NLE1: variants seen among roughly 807,000 people sequenced by gnomAD.
NLE1 encodes notchless protein homolog 1.
In NLE1, 37 loss-of-function variants were observed where a neutral mutation model predicts 62.8. The ratio of observed to expected loss-of-function variants is 0.59; its 90% confidence interval spans 0.45 to 0.78. The LOEUF is 0.78. Ranked by LOEUF, NLE1 falls within the 30% of genes least tolerant of loss-of-function variation. The pLI, the probability that NLE1 is intolerant of heterozygous loss-of-function variation, is 0.00. For missense variants in NLE1, 555 were observed against 637.9 expected, an observed-to-expected ratio of 0.87 and a Z score of 1.40; for synonymous variants, 243 against 253.0, an observed-to-expected ratio of 0.96 and a Z score of 0.37.
In NLE1 at chr17:35,130,060, G is replaced by A; in HGVS notation, c.*2377C>T. The A allele has an allele frequency of 7.1e-7, 1 of 1,412,304 alleles. No homozygotes were observed. The highest frequency in any genetic ancestry group is 1.6e-5 in the South Asian group (1 of 63,416). The allele number at this position is 1,412,304 out of a possible 1,614,324, so 87.5% of individuals were successfully genotyped here. A position where few individuals can be genotyped will look rare whatever the true frequency, so the allele number is the denominator to read the frequency against. On this transcript the variant is annotated 3_prime_UTR_variant, in exon 13 of 13. Coordinates refer to ENST00000442241, the MANE Select transcript of NLE1 (RefSeq NM_018096.5). ...GGGGTAGGGGTATGGGGGTATAGAG[G>A]CCTGAGTACAGACAGCCCTTTGGTT...
rs1349063435 is a variant in NLE1, at chr17:35,131,341, G to A, written c.*1096C>T. 1 of 152,418 alleles carries A rather than the reference G, an allele frequency of 6.6e-6. No homozygotes were observed. The highest frequency in any genetic ancestry group is 1.5e-5 in the Non-Finnish European group (1 of 68,178). The allele number at this position is 152,418 out of a possible 1,614,324, so 9.4% of individuals were successfully genotyped here. A position where few individuals can be genotyped will look rare whatever the true frequency, so the allele number is the denominator to read the frequency against. Reference sequence around the variant, plus strand: ...CAAGGGTGGAGGAGGGTAAGAAGGAGCAAGATGCTAGTTCTGAGCAGTTTA... The same window carrying A: ...CAAGGGTGGAGGAGGGTAAGAAGGAACAAGATGCTAGTTCTGAGCAGTTTA... On this transcript the variant is annotated 3_prime_UTR_variant, in exon 13 of 13. Coordinates refer to ENST00000442241, the MANE Select transcript of NLE1 (RefSeq NM_018096.5).
rs901074499 is a variant in NLE1 at position 35,129,170 on chromosome 17, C to T, written c.*3267G>A. The T allele has an allele frequency of 2.0e-5, 9 of 450,726 alleles. No homozygotes were observed. Among genetic ancestry groups the T allele is most frequent in the African/African-American group, 3.9e-5 (2 of 51,256 alleles). The allele number at this position is 450,726 out of a possible 1,614,324, so 27.9% of individuals were successfully genotyped here. ...CAGTTGGTGGCCCAAGGGTTGAGGA[C>T]CCCTGGCGTATAAGAAATATGGAAT... On this transcript the variant is annotated 3_prime_UTR_variant, in exon 13 of 13. Coordinates refer to ENST00000442241, the MANE Select transcript of NLE1 (RefSeq NM_018096.5).
intron 10 of NLE1, 117 bp downstream of exon 10, chr17:35,135,132 G>T: frequency 1.1e-6 from 1 of 926,932 alleles, no homozygotes; most frequent in Non-Finnish European, 1.8e-6. Flanking sequence ...TACCAAAGAG[G>T]AAACAGTGGC....
chr17:35,139,280 G>A lies in NLE1; in HGVS notation c.415C>T (p.Arg139Cys), dbSNP rs145029268. The A allele has an allele frequency of 9.3e-6, 15 of 1,613,806 alleles. No individual in the cohort carries two copies. Among genetic ancestry groups the A allele is most frequent in the South Asian group, 2.2e-5 (2 of 91,084 alleles). The change falls in exon 4 of 13, where the codon CGC (arginine) becomes TGC (cysteine). Residue 139 changes from arginine (R) to cysteine (C), a missense_variant. Transcript: ENST00000442241. ...LASGSGDTTV[R>C]FWDLSTETPH... ...GTCTCTGTGCTGAGATCCCAGAAGC[G>A]CACGGTGGTGTCTCCAGAGCCACTG... is the stretch of plus-strand genomic sequence containing the variant.
In NLE1 at chr17:35,135,329, C is replaced by A. The variant is rs2091901787; in HGVS notation, c.1134G>T (p.Val378=). The change falls in exon 10 of 13, where the codon GTG becomes GTT. Residue 378 remains valine, a synonymous_variant. Transcript: ENST00000442241. ...MTGHQALINQ[V]LFSPDSRIVA... Reference sequence around the variant, plus strand: ...CGATGCGGGAGTCAGGAGAGAAGAGCACCTGGTTGATGAGAGCTTGGTGTC... The same window carrying A: ...CGATGCGGGAGTCAGGAGAGAAGAGAACCTGGTTGATGAGAGCTTGGTGTC... 6.2e-7 allele frequency: 1 copy of A among 1,614,096 alleles called. No individual in the cohort carries two copies. Among genetic ancestry groups the A allele is most frequent in the African/African-American group, 1.3e-5 (1 of 74,926 alleles).
intron 2 of NLE1, among the ~76,000 whole-genome samples, chr17:35,141,716 C>T (rs1046662676): frequency 6.6e-6 from 1 of 152,214 alleles, no homozygotes; most frequent in African/African-American, 2.4e-5. Flanking sequence ...GTGTCCCAGA[C>T]TGGGGGACTG....
In NLE1 at chr17:35,137,527, C is replaced by A; in HGVS notation, c.635+16G>T. ...TCCCCTGGCTCATTTGTCCCAGCTCCGTCAGTGTCACTTACGCATGGAGGG... is the reference window on the plus strand; with the variant it reads ...TCCCCTGGCTCATTTGTCCCAGCTCAGTCAGTGTCACTTACGCATGGAGGG... On this transcript the variant is annotated intron_variant, in intron 6 of 12. Coordinates refer to ENST00000442241, the MANE Select transcript of NLE1 (RefSeq NM_018096.5). 1 of 1,597,152 alleles carries A rather than the reference C, an allele frequency of 6.3e-7. No individual in the cohort carries two copies. The highest frequency in any genetic ancestry group is 8.5e-7 in the Non-Finnish European group (1 of 1,172,930).
chr17:35,138,016 C>T (rs2091919911), intron 4 of NLE1, 126 bp from the exon 5 acceptor site: 21 of 670,776 alleles, frequency 3.1e-5, no homozygotes, highest in Middle Eastern at 3.3e-4. Context: ...ACAAAAGGAG[C>T]GATGAGGCTT....
intron 2 of NLE1, among the ~76,000 whole-genome samples, chr17:35,141,760 C>A (rs192776380): frequency 6.6e-6 from 1 of 152,296 alleles, no homozygotes; most frequent in African/African-American, 2.4e-5. Context: ...GCATCCGGTG[C>A]GTTCAAAGCT....
In NLE1 at chr17:35,129,767, A is replaced by G. The variant is rs1289058083; in HGVS notation, c.*2670T>C. 1 of 1,478,392 alleles carries G rather than the reference A, an allele frequency of 6.8e-7. No homozygotes were observed. Among genetic ancestry groups the G allele is most frequent in the Non-Finnish European group, 9.0e-7 (1 of 1,115,794 alleles). 91.6% of individuals were successfully genotyped at this position (1,478,392 alleles called of 1,614,324 possible). A position where few individuals can be genotyped will look rare whatever the true frequency, so the allele number is the denominator to read the frequency against. ...CTATGCCCACATGACTCATCTGGCTAGCTTTCCTTCTGCCTGGGTCAAGAA... is the reference window on the plus strand; with the variant it reads ...CTATGCCCACATGACTCATCTGGCTGGCTTTCCTTCTGCCTGGGTCAAGAA... On this transcript the variant is annotated 3_prime_UTR_variant, in exon 13 of 13. Coordinates refer to ENST00000442241, the MANE Select transcript of NLE1 (RefSeq NM_018096.5).
chr17:35,137,968 C>T (rs1597892900), intron 4 of NLE1, 78 bp from the exon 5 acceptor site: 1 of 993,630 alleles, frequency 1.0e-6, no homozygotes, highest in South Asian at 1.4e-5. Context: ...TGTCAGGTGC[C>T]AGGTACTCCT....
At position 35,129,380 on chromosome 17, in the gene NLE1, A is replaced by C; in HGVS notation, c.*3057T>G. 1 of 1,597,926 alleles carries C rather than the reference A, an allele frequency of 6.3e-7. No homozygotes were observed. Among genetic ancestry groups the C allele is most frequent in the Non-Finnish European group, 8.5e-7 (1 of 1,170,144 alleles). The stretch of plus-strand genomic sequence containing the variant: ...GGGAGGGTGAAGGGACAGGAAGGAC[A>C]GGACATATCTGAGGAAGCCTCGGGG... On this transcript the variant is annotated 3_prime_UTR_variant, in exon 13 of 13. Transcript: ENST00000442241.
Position 35,136,181 on chromosome 17 carries a change from G to T in NLE1, c.999C>A (p.Tyr333Ter). Reference sequence around the variant, plus strand: ...GGCACACACTCACCCGCACGAGGTTGTATCGGCTCAGAGCCCTCTCCTTCA... The same window carrying T: ...GGCACACACTCACCCGCACGAGGTTTTATCGGCTCAGAGCCCTCTCCTTCA... ...QELKERALSR[Y>*]NLVRGQGPER... The change falls in exon 9 of 13, where the codon TAC becomes TAA. Residue 333 changes from tyrosine (Y) to a stop codon, truncating the protein, a stop_gained. Transcript: ENST00000442241. LOFTEE classifies it high-confidence loss of function. 6.2e-7 allele frequency: 1 copy of T among 1,614,218 alleles called. No individual in the cohort carries two copies. The highest frequency in any genetic ancestry group is 8.5e-7 in the Non-Finnish European group (1 of 1,180,016).
chr17:35,138,444 TTCTCTC>T (rs886714658), intron 4 of NLE1, among the ~76,000 whole-genome samples: 2 of 151,946 alleles, frequency 1.3e-5, no homozygotes, highest in African/African-American at 4.8e-5. Flanking sequence ...CTCTTCTCTT[TTCTCTC>T]TCTCTCTTTC....
chr17:35,129,971 G>C lies in NLE1; in HGVS notation c.*2466C>G. On this transcript the variant is annotated 3_prime_UTR_variant, in exon 13 of 13. Transcript: ENST00000442241. ...TTGTGAGTAGGCTGGGAAGTCAAGG[G>C]CATTGAAAGAAATAGGGAAGACAAG... 1 of 1,372,354 alleles carries C rather than the reference G, an allele frequency of 7.3e-7. No homozygotes were observed. The highest frequency in any genetic ancestry group is 9.4e-7 in the Non-Finnish European group (1 of 1,063,518). 85.0% of individuals were successfully genotyped at this position (1,372,354 alleles called of 1,614,324 possible).
At chr17:35,139,606 C>T (rs992963614) in intron 3 of NLE1, among the ~76,000 whole-genome samples, 5 of 152,182 alleles carry the variant, frequency 3.3e-5, no homozygotes, top group African/African-American at 4.8e-5. Flanking sequence ...TTATACAAGT[C>T]ACACAGCTCA....
chr17:35,133,267 TG>T lies in NLE1; in HGVS notation c.1375-27del, dbSNP rs927216732. 4 of 1,613,904 alleles carry T rather than the reference TG, an allele frequency of 2.5e-6. No individual in the cohort carries two copies. The African/African-American group carries it at 5.3e-5, about 22-fold the overall frequency. On this transcript the variant is annotated intron_variant, in intron 11 of 12. Transcript: ENST00000442241. ...CTAAAGGGAGGCAGAGGAAGGCAGGTGGGGTGGTGAGAGGGAGACAGCCAGC... is the reference window on the plus strand; with the variant it reads ...CTAAAGGGAGGCAGAGGAAGGCAGGTGGGTGGTGAGAGGGAGACAGCCAGC...
At chr17:35,133,616 T>C in intron 10 of NLE1, 118 bp from the exon 11 acceptor site, 1 of 922,666 alleles carries the variant, frequency 1.1e-6, no homozygotes, top group Non-Finnish European at 1.6e-6. Context: ...TAGAAATACC[T>C]GGGAACCTTT....
Position 35,130,160 on chromosome 17 carries a change from G to A in NLE1, c.*2277C>T. On this transcript the variant is annotated 3_prime_UTR_variant, in exon 13 of 13. Coordinates refer to ENST00000442241, the MANE Select transcript of NLE1 (RefSeq NM_018096.5). Reference sequence around the variant, plus strand: ...ACCTGTTTCCTGCGTCAATGGCTAGGTTGGATAAGGCTGTTTAAGGTCTGA... The same window carrying A: ...ACCTGTTTCCTGCGTCAATGGCTAGATTGGATAAGGCTGTTTAAGGTCTGA... 3 of 1,469,828 alleles carry A rather than the reference G, an allele frequency of 2.0e-6. No homozygotes were observed. The highest frequency in any genetic ancestry group is 2.7e-6 in the Non-Finnish European group (3 of 1,113,864). 91.0% of individuals were successfully genotyped at this position (1,469,828 alleles called of 1,614,324 possible). A position where few individuals can be genotyped will look rare whatever the true frequency, so the allele number is the denominator to read the frequency against.
Sources: allele counts gnomAD v4.1 joint callset (sites outside exome capture counted in the v4.1 genomes callset), GRCh38; gene constraint gnomAD v4.1.1; transcripts MANE v1.5; gene names NCBI Gene and HGNC (gene_info 2026-07-23, HGNC 2026-07-21).